ANAPC4: variants seen among roughly 807,000 people sequenced by gnomAD.
ANAPC4 encodes anaphase-promoting complex subunit 4.
In ANAPC4, 63 loss-of-function variants were observed where a neutral mutation model predicts 119.8. That is an observed-to-expected ratio of 0.53 (90% CI 0.43 to 0.65). The LOEUF (loss-of-function observed/expected upper bound fraction) is 0.65. ANAPC4 is among the 30% of genes least tolerant of loss of function. The pLI is 0.00. For synonymous variants in ANAPC4, 283 were observed against 318.6 expected, an observed-to-expected ratio of 0.89 and a Z score of 1.19; for missense variants, 716 against 945.1, an observed-to-expected ratio of 0.76 and a Z score of 3.18.
At chr4:25,412,135 T>G (rs543363897) in intron 21 of ANAPC4, among the ~76,000 whole-genome samples, 54 of 152,244 alleles carry the variant, frequency 3.5e-4, no homozygotes, top group African/African-American at 1.3e-3. Flanking sequence ...AATTTTTGTT[T>G]ACCAGTGTGT....
In ANAPC4 at chr4:25,397,060, T is replaced by G. The variant is rs372429053; in HGVS notation, c.1214+161T>G. ...CCGAAAAGCCAGCAGCACAGAGAAT[T>G]TATAAAGTAAAGCTGTATTTTCCTG... On this transcript the variant is annotated intron_variant, in intron 16 of 28. Transcript: ENST00000315368. Among the ~76,000 whole-genome samples, 17 of 152,284 alleles carry G rather than the reference T, an allele frequency of 1.1e-4. No individual in the cohort carries two copies. The East Asian group carries it at 3.1e-3, about 28-fold the overall frequency.
At chr4:25,385,227 A>G (rs1297216789) in intron 4 of ANAPC4, among the ~76,000 whole-genome samples, 2 of 152,244 alleles carry the variant, frequency 1.3e-5, no homozygotes, top group African/African-American at 2.4e-5. Context: ...CTCTCTAGCT[A>G]TGAAAGTCCT....
At chr4:25,404,909 G>A (rs1723172700) in intron 17 of ANAPC4, among the ~76,000 whole-genome samples, 1 of 151,940 alleles carries the variant, frequency 6.6e-6, no homozygotes, top group Non-Finnish European at 1.5e-5. Flanking sequence ...TAACTTAGAT[G>A]TTTAAATTAA....
At chr4:25,387,452 A>G (rs1222755728) in intron 4 of ANAPC4, among the ~76,000 whole-genome samples, 1 of 152,242 alleles carries the variant, frequency 6.6e-6, no homozygotes, top group African/African-American at 2.4e-5. Context: ...GATAAACCAG[A>G]GTGATAAATC....
At chr4:25,403,139 A>G in intron 17 of ANAPC4, 113 bp downstream of exon 17, 1 of 806,128 alleles carries the variant, frequency 1.2e-6, no homozygotes, top group Non-Finnish European at 1.9e-6. Flanking sequence ...TGAGAGAACT[A>G]TATAATGATC....
At chr4:25,417,917 A>T in intron 28 of ANAPC4, 178 bp downstream of exon 28, 1 of 962,280 alleles carries the variant, frequency 1.0e-6, no homozygotes, top group Non-Finnish European at 1.5e-6. Flanking sequence ...TCTTGTTCTG[A>T]TAAAGCTTAC....
chr4:25,406,827 A>C lies in ANAPC4; in HGVS notation c.1318-2A>C, dbSNP rs750075677. The C allele has an allele frequency of 5.6e-6, 9 of 1,597,628 alleles. No individual in the cohort carries two copies. In the East Asian group the frequency reaches 1.8e-4, roughly 32 times the overall value. On this transcript the variant is annotated splice_acceptor_variant, in intron 18 of 28. Transcript: ENST00000315368. LOFTEE classifies it high-confidence loss of function. ...TTTTCTTTTTGTTCCTTTTGTTGAT[A>C]GATGACTCAGAAAGATATCACATTT...
At chr4:25,398,416 G>C (rs945733314) in intron 16 of ANAPC4, among the ~76,000 whole-genome samples, 2 of 152,136 alleles carry the variant, frequency 1.3e-5, no homozygotes, top group African/African-American at 4.8e-5. Flanking sequence ...GTTGATATTT[G>C]GGGGTGGAAG....
At chr4:25,417,976 G>A in intron 28 of ANAPC4, 179 bp from the exon 29 acceptor site, 2 of 831,878 alleles carry the variant, frequency 2.4e-6, no homozygotes, top group Non-Finnish European at 3.6e-6. Flanking sequence ...AATTGCCACT[G>A]TTGTTATGTG....
In ANAPC4 at chr4:25,396,722, CA is replaced by C. The variant is rs1329700879; in HGVS notation, c.1125del (p.Lys375AsnfsTer7). ...SELKGMASWK[Q>X]KYEPLGLDAA... ...ATTGAAAGGAATGGCTTCATGGAAG[CA>C]AAAATATGAACCTCTTGGACTAGAT... On this transcript the variant is annotated frameshift_variant, in exon 15 of 29. Coordinates refer to ENST00000315368, the MANE Select transcript of ANAPC4 (RefSeq NM_013367.3). LOFTEE classifies it high-confidence loss of function. The C allele has an allele frequency of 6.2e-7, 1 of 1,613,484 alleles. No individual in the cohort carries two copies. Among genetic ancestry groups the C allele is most frequent in the Non-Finnish European group, 8.5e-7 (1 of 1,179,830 alleles).
In ANAPC4 at chr4:25,389,219, C is replaced by T. The variant is rs967781833; in HGVS notation, c.515+337C>T. Reference sequence around the variant, plus strand: ...CTGTTGCCAGGCTGGAGTACAGTGGCGTTATCTCGGCTCACTGCAACCTCC... The same window carrying T: ...CTGTTGCCAGGCTGGAGTACAGTGGTGTTATCTCGGCTCACTGCAACCTCC... On this transcript the variant is annotated intron_variant, in intron 7 of 28. Transcript: ENST00000315368. 2.8e-5 allele frequency among the ~76,000 whole-genome samples: 4 copies of T among 145,376 alleles called. No individual in the cohort carries two copies. In the East Asian group the frequency reaches 6.0e-4, roughly 22 times the overall value.
At chr4:25,415,212 C>G in intron 25 of ANAPC4, 1 of 351,784 alleles carries the variant, frequency 2.8e-6, no homozygotes, top group Non-Finnish European at 5.1e-6. Context: ...GGTTTTAAAC[C>G]TGAATTTGAA....
rs1723304280 is a variant in ANAPC4, at chr4:25,407,256, A to G, written c.1431+3A>G. ...TTAACGTTGAAAGAGTTGGTCAGGT[A>G]TGGGCTTTGAACTCATTTTAAAACC... On this transcript the variant is annotated splice_donor_region_variant and intron_variant, in intron 20 of 28. Transcript: ENST00000315368. 7 of 1,605,042 alleles carry G rather than the reference A, an allele frequency of 4.4e-6. No individual in the cohort carries two copies. Among genetic ancestry groups the G allele is most frequent in the Non-Finnish European group, 5.9e-6 (7 of 1,176,932 alleles).
intron 16 of ANAPC4, among the ~76,000 whole-genome samples, chr4:25,400,420 TC>T (rs755856457): frequency 2.6e-5 from 4 of 152,104 alleles, no homozygotes; most frequent in Non-Finnish European, 5.9e-5. Flanking sequence ...TAGGGGACGT[TC>T]CCTTCAAGGT....
In ANAPC4 at chr4:25,394,295, T is replaced by C. The variant is rs764923881; in HGVS notation, c.877-15T>C. ...GAAATACATATATCACAATTTTTTT[T>C]TCACTTTTTTCCAGGAAAAGAACAC... On this transcript the variant is annotated splice_polypyrimidine_tract_variant and intron_variant, in intron 11 of 28. Coordinates refer to ENST00000315368, the MANE Select transcript of ANAPC4 (RefSeq NM_013367.3). 1.0e-5 allele frequency: 16 copies of C among 1,574,488 alleles called. No individual in the cohort carries two copies. The highest frequency in any genetic ancestry group is 1.3e-5 in the Non-Finnish European group (15 of 1,168,610).
intron 10 of ANAPC4, 102 bp from the exon 11 acceptor site, chr4:25,393,703 T>A (rs1412194668): frequency 1.7e-6 from 1 of 599,790 alleles, no homozygotes; most frequent in African/African-American, 1.9e-5. Flanking sequence ...TGAAAGTAAA[T>A]TCTAGATTTC....
Position 25,414,386 on chromosome 4 carries a change from G to A in ANAPC4, c.1685+1G>A. On this transcript the variant is annotated splice_donor_variant, in intron 23 of 28. Coordinates refer to ENST00000315368, the MANE Select transcript of ANAPC4 (RefSeq NM_013367.3). LOFTEE classifies it high-confidence loss of function. ...TTCCATTGTATAGAGATACCAGAAG[G>A]TAATTCTGTTTACCTATTGGATGGT... 1 of 1,604,884 alleles carries A rather than the reference G, an allele frequency of 6.2e-7. No homozygotes were observed. Among genetic ancestry groups the A allele is most frequent in the Non-Finnish European group, 8.5e-7 (1 of 1,174,124 alleles).
At position 25,406,892 on chromosome 4, in the gene ANAPC4, AG is replaced by A. The variant is rs1229405778; in HGVS notation, c.1374+8del. On this transcript the variant is annotated splice_region_variant and intron_variant, in intron 19 of 28. Transcript: ENST00000315368. ...TACTGAACATTTCAATGAGGTAAGA[AG>A]TTGATATTTCTGTAATGCAGTTTAA... The A allele has an allele frequency of 2.5e-6, 4 of 1,589,114 alleles. No individual in the cohort carries two copies. Among genetic ancestry groups the A allele is most frequent in the Non-Finnish European group, 3.4e-6 (4 of 1,166,680 alleles).
chr4:25,387,560 C>G (rs1032481240), intron 4 of ANAPC4, among the ~76,000 whole-genome samples: 1 of 152,176 alleles, frequency 6.6e-6, no homozygotes, highest in African/African-American at 2.4e-5. Flanking sequence ...GCCCGGTTAT[C>G]TGCTGTGTGT....
Sources: gnomAD v4.1 joint callset for allele counts (sites outside exome capture counted in the v4.1 genomes callset) on GRCh38, gnomAD v4.1.1 for gene constraint, MANE v1.5 for transcripts, NCBI Gene and HGNC (gene_info 2026-07-23, HGNC 2026-07-21) for gene names.